Variants in CPED1 observed in about 807,000 individuals in gnomAD.
CPED1 encodes the protein cadherin-like and PC-esterase domain-containing protein 1.
A neutral mutation model predicts 128.2 loss-of-function variants in CPED1; 114 were observed. The observed-to-expected ratio is 0.89, with a 90% CI of 0.76 to 1.04. The LOEUF is 1.04. Among genes scored for constraint, CPED1 ranks in the 50% least tolerant of loss-of-function variants. The pLI, the probability that CPED1 is intolerant of heterozygous loss-of-function variation, is 0.00. For missense variants in CPED1, 1,211 were observed against 1,207.1 expected, an observed-to-expected ratio of 1.00 and a Z score of -0.05; for synonymous variants, 462 against 426.7, an observed-to-expected ratio of 1.08 and a Z score of -1.02.
chr7:121,187,045 C>T (rs1797019632), intron 16 of CPED1, among the ~76,000 whole-genome samples: 1 of 152,174 alleles, frequency 6.6e-6, no homozygotes, highest in African/African-American at 2.4e-5. Context: ...TTCTGGGGTA[C>T]AGTGGGTACC....
chr7:121,064,751 A>G (rs1563011850), intron 5 of CPED1, among the ~76,000 whole-genome samples: 1 of 152,170 alleles, frequency 6.6e-6, no homozygotes, highest in Non-Finnish European at 1.5e-5. Context: ...TAAATACAGG[A>G]CACTGAATGA....
intron 5 of CPED1, among the ~76,000 whole-genome samples, chr7:121,093,429 G>GTTGT (rs145575941): frequency 2.8e-5 from 2 of 72,342 alleles, no homozygotes; most frequent in South Asian, 8.1e-4. Flanking sequence ...CACACACACA[G>GTTGT]TTGTTTGTTT....
intron 16 of CPED1, among the ~76,000 whole-genome samples, chr7:121,164,826 AG>A (rs978756832): frequency 7.2e-5 from 11 of 152,226 alleles, no homozygotes; most frequent in African/African-American, 2.7e-4. Flanking sequence ...CTAAATTTCA[AG>A]TAATGTCACC....
chr7:121,081,921 A>C (rs747403924), intron 5 of CPED1, among the ~76,000 whole-genome samples: 1 of 152,160 alleles, frequency 6.6e-6, no homozygotes, highest in Non-Finnish European at 1.5e-5. Flanking sequence ...TATAGCAGTT[A>C]ATTCATCCAC....
At chr7:121,004,159 C>T (rs1791943314) in intron 2 of CPED1, among the ~76,000 whole-genome samples, 1 of 152,264 alleles carries the variant, frequency 6.6e-6, no homozygotes, top group Admixed American at 6.5e-5. Context: ...CCATCCTTAA[C>T]CATCTGTTCA....
chr7:121,118,176 C>T (rs148158310), intron 7 of CPED1, among the ~76,000 whole-genome samples: 245 of 152,226 alleles, frequency 1.6e-3, no homozygotes, highest in African/African-American at 5.1e-3. Context: ...AAATTTTCTT[C>T]GTTCTTATAT....
At chr7:120,991,595 A>G (rs1031417011) in intron 2 of CPED1, among the ~76,000 whole-genome samples, 6 of 151,966 alleles carry the variant, frequency 3.9e-5, no homozygotes, top group Non-Finnish European at 4.4e-5. Context: ...CCCCTTGTTC[A>G]CTCTGTGTGA....
rs150909735 is a variant in CPED1, at chr7:121,103,381, A to T, written c.918+3287A>T. ...AAAGTGATTGTTTCCTTACTAGTTC[A>T]AAGTTACGCTTGATGATACAGATAA... On this transcript the variant is annotated intron_variant, in intron 7 of 22. Coordinates refer to ENST00000310396, the MANE Select transcript of CPED1 (RefSeq NM_024913.5). Among the ~76,000 whole-genome samples the T allele has an allele frequency of 2.5e-3, 379 of 152,284 alleles. 1 individual carries two copies. Among genetic ancestry groups the T allele is most frequent in the African/African-American group, 8.7e-3 (361 of 41,566 alleles).
chr7:121,183,869 T>C (rs1796947895), intron 16 of CPED1, among the ~76,000 whole-genome samples: 1 of 152,154 alleles, frequency 6.6e-6, no homozygotes, highest in South Asian at 2.1e-4. Context: ...CTGTTTTCCA[T>C]ACTTCTTTAA....
intron 7 of CPED1, among the ~76,000 whole-genome samples, chr7:121,100,819 C>T (rs1794831539): frequency 6.6e-6 from 1 of 152,030 alleles, no homozygotes; most frequent in East Asian, 1.9e-4. Context: ...AATGACTGAA[C>T]TTGATTTTTT....
At chr7:121,061,995 C>A (rs1043835435) in intron 4 of CPED1, among the ~76,000 whole-genome samples, 2 of 152,126 alleles carry the variant, frequency 1.3e-5, no homozygotes, top group Admixed American at 1.3e-4. Flanking sequence ...ACAGTCATGT[C>A]GTCAGCCACA....
At chr7:121,142,221 A>G in intron 16 of CPED1, 80 bp downstream of exon 16, 1 of 1,270,890 alleles carries the variant, frequency 7.9e-7, no homozygotes, top group Non-Finnish European at 1.1e-6. Flanking sequence ...AATGAAAATT[A>G]TTACAAGAAA....
At chr7:121,108,152 A>C (rs1795023160) in intron 7 of CPED1, among the ~76,000 whole-genome samples, 1 of 152,096 alleles carries the variant, frequency 6.6e-6, no homozygotes, top group Non-Finnish European at 1.5e-5. Flanking sequence ...TGAGCTGTCC[A>C]ATGGCAAGAG....
At chr7:121,041,318 T>C (rs994119526) in intron 3 of CPED1, among the ~76,000 whole-genome samples, 1 of 152,064 alleles carries the variant, frequency 6.6e-6, no homozygotes, top group African/African-American at 2.4e-5. Flanking sequence ...ACAAAATAGA[T>C]ATAGTCTCTG....
intron 4 of CPED1, among the ~76,000 whole-genome samples, chr7:121,055,278 T>A (rs992870405): frequency 6.6e-6 from 1 of 152,162 alleles, no homozygotes; most frequent in Non-Finnish European, 1.5e-5. Flanking sequence ...TAAAAATTTT[T>A]AAAATGTTTT....
chr7:121,147,175 T>C lies in CPED1; in HGVS notation c.2055+5034T>C, dbSNP rs191381292. On this transcript the variant is annotated intron_variant, in intron 16 of 22. Transcript: ENST00000310396. Reference sequence around the variant, plus strand: ...ACTAGGAGTGTGAATAATTTATGGGTAATCCTTCTGTGTTGTATGTTGGAG... The same window carrying C: ...ACTAGGAGTGTGAATAATTTATGGGCAATCCTTCTGTGTTGTATGTTGGAG... Among the ~76,000 whole-genome samples the C allele has an allele frequency of 1.5e-3, 225 of 152,282 alleles. 6 individuals carry two copies. In the South Asian group the frequency reaches 0.027, roughly 18 times the overall value.
intron 16 of CPED1, among the ~76,000 whole-genome samples, chr7:121,148,400 T>C (rs1418707417): frequency 3.3e-5 from 5 of 152,224 alleles, no homozygotes; most frequent in African/African-American, 1.2e-4. Context: ...CCTTCTTGCC[T>C]TATTTAATCT....
intron 2 of CPED1, among the ~76,000 whole-genome samples, chr7:120,992,544 A>G (rs1338691165): frequency 6.6e-6 from 1 of 152,214 alleles, no homozygotes; most frequent in African/African-American, 2.4e-5. Flanking sequence ...CAGTATGTTT[A>G]CATGTTAAAC....
rs993832441 is a variant in CPED1, at chr7:121,081,858, C to T, written c.617-15841C>T. The stretch of plus-strand genomic sequence containing the variant: ...GAGAACATTAATTTGTTGAACTTAT[C>T]GTATGTCAAACACTGTGTCAGGCAC... On this transcript the variant is annotated intron_variant, in intron 5 of 22. Coordinates refer to ENST00000310396, the MANE Select transcript of CPED1 (RefSeq NM_024913.5). 2.6e-5 allele frequency among the ~76,000 whole-genome samples: 4 copies of T among 152,238 alleles called. No homozygotes were observed. In the South Asian group the frequency reaches 6.2e-4, roughly 24 times the overall value.
Sources: allele counts gnomAD v4.1 joint callset (sites outside exome capture counted in the v4.1 genomes callset), GRCh38; gene constraint gnomAD v4.1.1; transcripts MANE v1.5; gene names NCBI Gene and HGNC (gene_info 2026-07-23, HGNC 2026-07-21).